Variants in PACRG observed in about 807,000 individuals in gnomAD.
The protein encoded by PACRG is parkin coregulated gene protein.
A neutral mutation model predicts 29.7 loss-of-function variants in PACRG; 29 were observed. The observed-to-expected ratio is 0.98, with a 90% confidence interval of 0.73 to 1.33. The LOEUF is 1.33. PACRG is among the 40% of genes most tolerant of loss of function. PACRG has a pLI of 0.00. For synonymous variants in PACRG, 116 were observed against 118.7 expected (o/e 0.98, Z 0.15); for missense variants, 279 against 316.2 (o/e 0.88, Z 0.89).
intron 1 of PACRG, among the ~76,000 whole-genome samples, chr6:162,808,708 A>G (rs1053250647): frequency 3.9e-5 from 6 of 152,170 alleles, no homozygotes; most frequent in Admixed American, 1.3e-4. Context: ...CTGCTGTAAC[A>G]TCCATTCTTC....
chr6:163,038,387 G>C (rs1389124561), intron 2 of PACRG, among the ~76,000 whole-genome samples: 1 of 152,180 alleles, frequency 6.6e-6, no homozygotes, highest in Non-Finnish European at 1.5e-5. Flanking sequence ...AAAGAAAATG[G>C]GGACAGATTC....
At chr6:163,300,311 C>A (rs1784940520) in intron 4 of PACRG, among the ~76,000 whole-genome samples, 1 of 152,220 alleles carries the variant, frequency 6.6e-6, no homozygotes, top group Admixed American at 6.5e-5. Flanking sequence ...GCTCTGATGT[C>A]TACCCCATCC....
chr6:162,888,150 G>A (rs1290553189), intron 2 of PACRG, among the ~76,000 whole-genome samples: 4 of 151,802 alleles, frequency 2.6e-5, no homozygotes, highest in Non-Finnish European at 4.4e-5. Context: ...GTGGGCTGGG[G>A]TGGTCTCATC....
At chr6:163,184,685 C>T (rs1779834526) in intron 4 of PACRG, 1 of 152,230 alleles carries the variant, frequency 6.6e-6, no homozygotes, top group African/African-American at 2.4e-5. Flanking sequence ...AACTCAGAGC[C>T]TTGGGTTGCT....
At chr6:163,045,444 G>GC (rs1809235921) in intron 2 of PACRG, among the ~76,000 whole-genome samples, 1 of 151,732 alleles carries the variant, frequency 6.6e-6, no homozygotes, top group African/African-American at 2.4e-5. Flanking sequence ...TCTGCCTCAG[G>GC]CTCCCAAGTA....
upstream of PACRG, chr6:162,727,385 G>A (rs1402540965): frequency 6.3e-5 from 30 of 478,310 alleles, no homozygotes; most frequent in Non-Finnish European, 9.6e-5. Context: ...ACGAGGAGCG[G>A]GGGTGCGGGG....
At chr6:162,957,304 C>T (rs1239202809) in intron 2 of PACRG, 8 of 581,892 alleles carry the variant, frequency 1.4e-5, no homozygotes, top group South Asian at 5.2e-5. Flanking sequence ...AAAGAAAGCA[C>T]GCTTGATCCT....
chr6:162,862,657 A>G (rs899766494), intron 2 of PACRG, among the ~76,000 whole-genome samples: 10 of 152,220 alleles, frequency 6.6e-5, no homozygotes, highest in Non-Finnish European at 1.0e-4. Context: ...ATAACTGGAA[A>G]AGCTTGCTTG....
intron 2 of PACRG, among the ~76,000 whole-genome samples, chr6:162,958,825 G>A (rs1048054977): frequency 7.1e-6 from 1 of 140,302 alleles, no homozygotes; most frequent in Non-Finnish European, 1.5e-5. Flanking sequence ...CATATATAGA[G>A]TGTATATATA....
intron 1 of PACRG, among the ~76,000 whole-genome samples, chr6:162,733,503 A>G (rs1317170958): frequency 6.6e-6 from 1 of 152,076 alleles, no homozygotes; most frequent in Non-Finnish European, 1.5e-5. Flanking sequence ...TTTTTAAGCC[A>G]TCCTCTCTAA....
At chr6:163,122,352 T>G (rs1816321087) in intron 4 of PACRG, among the ~76,000 whole-genome samples, 1 of 152,082 alleles carries the variant, frequency 6.6e-6, no homozygotes, top group Non-Finnish European at 1.5e-5. Context: ...TGTGCTATAG[T>G]TGGTTTGTGT....
chr6:163,297,901 A>G (rs978909232), intron 4 of PACRG, among the ~76,000 whole-genome samples: 1 of 152,074 alleles, frequency 6.6e-6, no homozygotes, highest in African/African-American at 2.4e-5. Flanking sequence ...TCTGTATATG[A>G]CCATCAATTC....
At chr6:163,087,541 G>A (rs1182897065) in intron 3 of PACRG, among the ~76,000 whole-genome samples, 6 of 149,958 alleles carry the variant, frequency 4.0e-5, no homozygotes, top group African/African-American at 1.5e-4. Flanking sequence ...AGGTAAGGAT[G>A]GAGACCAGGA....
chr6:162,862,786 C>T (rs977560820), intron 2 of PACRG, among the ~76,000 whole-genome samples: 1 of 152,200 alleles, frequency 6.6e-6, no homozygotes, highest in African/African-American at 2.4e-5. Context: ...AGTGCCACCA[C>T]ATCCCAGGCT....
At chr6:163,189,742 C>T (rs1780115391) in intron 4 of PACRG, 1 of 152,210 alleles carries the variant, frequency 6.6e-6, no homozygotes, top group Non-Finnish European at 1.5e-5. Context: ...TAAATGCAGC[C>T]ATCCAGCCAT....
chr6:163,139,967 A>G (rs1397287081), intron 4 of PACRG, among the ~76,000 whole-genome samples: 2 of 151,956 alleles, frequency 1.3e-5, no homozygotes, highest in African/African-American at 4.8e-5. Context: ...CTCTTTGCCT[A>G]TCCAAGTACT....
intron 4 of PACRG, among the ~76,000 whole-genome samples, chr6:163,251,828 C>T (rs1337084086): frequency 6.6e-6 from 1 of 152,216 alleles, no homozygotes; most frequent in Admixed American, 6.5e-5. Context: ...GTTATTACTA[C>T]TGGGGGCCGT....
chr6:162,772,667 A>G (rs953157017), intron 1 of PACRG, among the ~76,000 whole-genome samples: 4 of 152,198 alleles, frequency 2.6e-5, no homozygotes, highest in African/African-American at 9.7e-5. Flanking sequence ...GTGGTGAATG[A>G]TGAGGAGTTT....
intron 2 of PACRG, among the ~76,000 whole-genome samples, chr6:162,885,940 A>G (rs954483727): frequency 6.6e-6 from 1 of 152,212 alleles, no homozygotes; most frequent in Non-Finnish European, 1.5e-5. Context: ...AAAATTTAAT[A>G]TTGTTACAAT....
Sources: gnomAD v4.1 joint callset for allele counts (sites outside exome capture counted in the v4.1 genomes callset) on GRCh38, gnomAD v4.1.1 for gene constraint, MANE v1.5 for transcripts, NCBI Gene and HGNC (gene_info 2026-07-23, HGNC 2026-07-21) for gene names.